Variants in CACNA2D1 observed in about 807,000 individuals in gnomAD.
The protein encoded by CACNA2D1 is voltage-dependent calcium channel subunit alpha-2/delta-1.
In CACNA2D1, 53 loss-of-function variants were observed where a neutral mutation model predicts 171.5. That is an observed-to-expected ratio of 0.31 (90% CI 0.25 to 0.39). The LOEUF is 0.39. CACNA2D1 is among the 10% of genes least tolerant of loss of function. The probability of loss-of-function intolerance (pLI) is 1.00; values close to 1 mark genes in which losing one functional copy is unlikely to be tolerated. For synonymous variants in CACNA2D1, 442 were observed against 443.1 expected, an observed-to-expected ratio of 1.00 and a Z score of 0.03; for missense variants, 903 against 1,299.8, an observed-to-expected ratio of 0.69 and a Z score of 4.69.
chr7:82,168,018 C>T (rs1563147882), intron 4 of CACNA2D1, among the ~76,000 whole-genome samples: 1 of 152,100 alleles, frequency 6.6e-6, no homozygotes, highest in Non-Finnish European at 1.5e-5. Context: ...AGTACTGCTA[C>T]TTGGATAGAG....
rs4018910 is a variant in CACNA2D1 at position 82,301,730 on chromosome 7, T to TACACACACAC, written c.294+33395_294+33404dup. The stretch of plus-strand genomic sequence containing the variant: ...ATTGTGTATTAATTTTGGTAAATAA[T>TACACACACAC]ACACACACACACACACACACACACA... On this transcript the variant is annotated intron_variant, in intron 3 of 38. Transcript: ENST00000356860. Among the ~76,000 whole-genome samples, 951 of 142,258 alleles carry TACACACACAC rather than the reference T, an allele frequency of 6.7e-3. 15 individuals are homozygous for TACACACACAC. The highest frequency in any genetic ancestry group is 0.022 in the African/African-American group (849 of 37,976). The allele number at this position is 142,258 out of a possible 152,430, so 93.3% of individuals were successfully genotyped here.
chr7:82,061,975 A>G (rs984903707), intron 9 of CACNA2D1, among the ~76,000 whole-genome samples: 3 of 152,166 alleles, frequency 2.0e-5, no homozygotes, highest in Non-Finnish European at 4.4e-5. Flanking sequence ...ATTTACAGGA[A>G]TAATAGGGGA....
At chr7:82,209,804 G>C (rs545758924) in intron 3 of CACNA2D1, among the ~76,000 whole-genome samples, 44 of 152,204 alleles carry the variant, frequency 2.9e-4, no homozygotes, top group African/African-American at 1.0e-3. Context: ...TGCGCTGTGT[G>C]AATCAAATAA....
chr7:82,249,115 CAA>C (rs780021068), intron 3 of CACNA2D1, among the ~76,000 whole-genome samples: 9 of 113,692 alleles, frequency 7.9e-5, no homozygotes, highest in Non-Finnish European at 1.1e-4. Flanking sequence ...GACTCCATCT[CAA>C]AAAAAAAAAA....
chr7:82,092,962 A>G (rs1374570680), intron 6 of CACNA2D1, among the ~76,000 whole-genome samples: 2 of 152,120 alleles, frequency 1.3e-5, no homozygotes, highest in Non-Finnish European at 2.9e-5. Flanking sequence ...TATGCAATTA[A>G]GACCAAATTT....
At chr7:82,270,194 T>A (rs1417727694) in intron 3 of CACNA2D1, among the ~76,000 whole-genome samples, 1 of 152,176 alleles carries the variant, frequency 6.6e-6, no homozygotes, top group East Asian at 1.9e-4. Context: ...TGTTTTTTGC[T>A]TTTTTAGTAT....
intron 1 of CACNA2D1, among the ~76,000 whole-genome samples, chr7:82,392,718 A>C (rs1825271443): frequency 6.6e-6 from 1 of 152,214 alleles, no homozygotes; most frequent in South Asian, 2.1e-4. Context: ...TGAATGTATT[A>C]ACATGATTGG....
At chr7:82,232,632 G>A (rs752354037) in intron 3 of CACNA2D1, among the ~76,000 whole-genome samples, 1 of 151,916 alleles carries the variant, frequency 6.6e-6, no homozygotes, top group African/African-American at 2.4e-5. Context: ...TTGGGAGGCC[G>A]AGGTGGGCAG....
At chr7:82,138,426 G>GTTTTTT (rs1159205363) in intron 4 of CACNA2D1, among the ~76,000 whole-genome samples, 1 of 101,312 alleles carries the variant, frequency 9.9e-6, no homozygotes, top group Non-Finnish European at 2.0e-5. Flanking sequence ...TATAGCATTA[G>GTTTTTT]TTTTGTTTTT....
At chr7:82,031,227 G>A (rs1311339139) in intron 12 of CACNA2D1, among the ~76,000 whole-genome samples, 1 of 151,832 alleles carries the variant, frequency 6.6e-6, no homozygotes, top group Non-Finnish European at 1.5e-5. Flanking sequence ...GGGATCAGAG[G>A]CCAAGCATCT....
intron 26 of CACNA2D1, chr7:81,971,009 G>A: frequency 2.3e-6 from 1 of 436,936 alleles, no homozygotes; most frequent in Non-Finnish European, 4.2e-6. Context: ...GGTATCACTT[G>A]TAGAGAGGAA....
At chr7:82,085,191 C>T (rs767704555) in intron 6 of CACNA2D1, among the ~76,000 whole-genome samples, 12 of 152,052 alleles carry the variant, frequency 7.9e-5, no homozygotes, top group Non-Finnish European at 1.5e-4. Flanking sequence ...ATTTTGGCCT[C>T]GGTTATTCTT....
chr7:82,033,081 C>T, intron 11 of CACNA2D1, 180 bp from the exon 12 acceptor site: 1 of 524,564 alleles, frequency 1.9e-6, no homozygotes, highest in East Asian at 3.1e-5. Context: ...CCAGGCCTTC[C>T]CCTCACCACC....
chr7:82,032,666 T>C (rs983259607), intron 12 of CACNA2D1, 131 bp downstream of exon 12: 2 of 585,894 alleles, frequency 3.4e-6, no homozygotes, highest in Admixed American at 5.6e-5. Flanking sequence ...TAATCTATGA[T>C]TCATATGGCT....
At chr7:82,326,506 C>T (rs1164785459) in intron 3 of CACNA2D1, among the ~76,000 whole-genome samples, 1 of 152,144 alleles carries the variant, frequency 6.6e-6, no homozygotes, top group Non-Finnish European at 1.5e-5. Flanking sequence ...CTTTGCAGAA[C>T]AGAAATAGTG....
chr7:82,391,674 T>C (rs3801675), intron 1 of CACNA2D1, among the ~76,000 whole-genome samples: 1,783 of 152,264 alleles, frequency 0.012, 63 homozygotes, highest in East Asian at 0.071. Context: ...AGAGGTACAA[T>C]TGATAGTCCC....
intron 2 of CACNA2D1, among the ~76,000 whole-genome samples, chr7:82,345,291 C>T (rs1345976570): frequency 6.6e-6 from 1 of 152,118 alleles, no homozygotes; most frequent in African/African-American, 2.4e-5. Context: ...CTTTGAGTAG[C>T]ATATTGAAAT....
chr7:81,979,107 C>T (rs902771135), intron 24 of CACNA2D1, among the ~76,000 whole-genome samples: 7 of 151,756 alleles, frequency 4.6e-5, no homozygotes, highest in East Asian at 1.9e-4. Context: ...ATTTATACGA[C>T]GTGTCTAGAA....
At chr7:81,973,893 C>T (rs558401221) in intron 25 of CACNA2D1, among the ~76,000 whole-genome samples, 1 of 151,950 alleles carries the variant, frequency 6.6e-6, no homozygotes, top group African/African-American at 2.4e-5. Flanking sequence ...AAACTAATTA[C>T]TAATTTTCTG....
Sources: gnomAD v4.1 joint callset for allele counts (sites outside exome capture counted in the v4.1 genomes callset) on GRCh38, gnomAD v4.1.1 for gene constraint, MANE v1.5 for transcripts, NCBI Gene and HGNC (gene_info 2026-07-23, HGNC 2026-07-21) for gene names.